Variants in MMP26 observed in about 807,000 individuals in gnomAD.
MMP26 encodes the protein matrix metallopeptidase 26, also known as matrix metalloproteinase-26.
MMP26 carries 33 observed loss-of-function variants against 31.0 expected under a neutral mutation model. The ratio of observed to expected loss-of-function variants is 1.06; its 90% confidence interval spans 0.81 to 1.42. The LOEUF (loss-of-function observed/expected upper bound fraction) is 1.42, where lower values mean the gene tolerates loss of function less well. MMP26 is among the 40% of genes most tolerant of loss of function. The pLI is 0.00. For synonymous variants in MMP26, 122 were observed against 114.9 expected, an observed-to-expected ratio of 1.06 and a Z score of -0.40; for missense variants, 347 against 316.1, an observed-to-expected ratio of 1.10 and a Z score of -0.74.
intron 2 of MMP26, among the ~76,000 whole-genome samples, chr11:4,898,416 G>T (rs186193022): frequency 9.2e-4 from 140 of 151,800 alleles, no homozygotes; most frequent in South Asian, 7.5e-3. Flanking sequence ...ATCCTGTTTG[G>T]GGTTGTTTGC....
intron 2 of MMP26, among the ~76,000 whole-genome samples, chr11:4,844,545 A>T (rs963615312): frequency 1.3e-5 from 2 of 152,212 alleles, no homozygotes; most frequent in African/African-American, 4.8e-5. Context: ...TCAAAAAAAC[A>T]TTAGAAAGAT....
intron 2 of MMP26, among the ~76,000 whole-genome samples, chr11:4,965,404 C>T (rs1249088142): frequency 6.6e-6 from 1 of 152,156 alleles, no homozygotes. Flanking sequence ...AGATTAGGTA[C>T]AGATATAAAA....
At chr11:4,990,558 A>T in intron 4 of MMP26, 40 bp from the exon 5 acceptor site, 1 of 1,564,064 alleles carries the variant, frequency 6.4e-7, no homozygotes, top group Non-Finnish European at 8.7e-7. Flanking sequence ...GATAATTCCC[A>T]TTCCTCTGAA....
At chr11:4,969,049 A>C (rs1004955635) in intron 2 of MMP26, among the ~76,000 whole-genome samples, 1 of 152,004 alleles carries the variant, frequency 6.6e-6, no homozygotes, top group African/African-American at 2.4e-5. Context: ...AGTTTTGTCC[A>C]CATACATTGA....
intron 2 of MMP26, among the ~76,000 whole-genome samples, chr11:4,887,187 G>C (rs1404427069): frequency 1.3e-5 from 2 of 151,822 alleles, no homozygotes; most frequent in African/African-American, 4.8e-5. Context: ...TTTTACAGCT[G>C]TTTAATAAAT....
intron 2 of MMP26, among the ~76,000 whole-genome samples, chr11:4,836,265 A>C (rs994109940): frequency 6.6e-6 from 1 of 152,060 alleles, no homozygotes; most frequent in Non-Finnish European, 1.5e-5. Context: ...GCAAAGCAAA[A>C]TGCATACACC....
At chr11:4,947,601 CAA>C (rs1295351983) in intron 2 of MMP26, 1 of 127,946 alleles carries the variant, frequency 7.8e-6, no homozygotes, top group Non-Finnish European at 1.8e-5. Flanking sequence ...TTCTGATATA[CAA>C]ACCCAAGGTA....
intron 2 of MMP26, among the ~76,000 whole-genome samples, chr11:4,836,212 G>A (rs1014804862): frequency 6.6e-6 from 1 of 151,898 alleles, no homozygotes; most frequent in Non-Finnish European, 1.5e-5. Context: ...ACACTATAAA[G>A]CTATAATAAA....
intron 2 of MMP26, among the ~76,000 whole-genome samples, chr11:4,904,589 G>C (rs989766184): frequency 6.6e-6 from 1 of 151,920 alleles, no homozygotes; most frequent in Non-Finnish European, 1.5e-5. Flanking sequence ...TTTACTCTTT[G>C]GTTTCAGATA....
At chr11:4,848,771 A>G (rs371928799) in intron 2 of MMP26, 3 of 1,613,880 alleles carry the variant, frequency 1.9e-6, no homozygotes, top group African/African-American at 2.7e-5. Context: ...TAATTACACC[A>G]TTGGTGAGGA....
intron 2 of MMP26, among the ~76,000 whole-genome samples, chr11:4,972,679 A>G: frequency 7.0e-6 from 1 of 143,054 alleles, no homozygotes; most frequent in South Asian, 2.1e-4. Context: ...TATTTTAATC[A>G]TTATGAAAAT....
At chr11:4,882,278 G>T in intron 2 of MMP26, 1 of 1,613,930 alleles carries the variant, frequency 6.2e-7, no homozygotes, top group Non-Finnish European at 8.5e-7. Flanking sequence ...CCGCTTCGTG[G>T]CTATCTGTAA....
At chr11:4,977,728 T>C (rs1224621930) in intron 2 of MMP26, among the ~76,000 whole-genome samples, 1 of 152,058 alleles carries the variant, frequency 6.6e-6, no homozygotes, top group Non-Finnish European at 1.5e-5. Context: ...GAACTGTTAG[T>C]GGGATGACTC....
intron 2 of MMP26, among the ~76,000 whole-genome samples, chr11:4,982,971 G>A (rs986558376): frequency 2.0e-5 from 3 of 152,170 alleles, no homozygotes; most frequent in Non-Finnish European, 4.4e-5. Flanking sequence ...CACTAGCAAA[G>A]CTTGTATAGG....
At chr11:4,887,427 C>T (rs2570588) in intron 2 of MMP26, among the ~76,000 whole-genome samples, 150,560 of 152,238 alleles carry the variant, frequency 0.99, 74,473 homozygotes, top group Middle Eastern at 1. Context: ...ATTTTATGAC[C>T]TGAGTCATTT....
chr11:4,933,469 A>G (rs542456521), intron 2 of MMP26, among the ~76,000 whole-genome samples: 2,831 of 108,030 alleles, frequency 0.026, 35 homozygotes, highest in Middle Eastern at 0.048. Flanking sequence ...ATGTAAAATG[A>G]TTAAGAAAGA....
chr11:4,796,066 T>G (rs756716927), intron 2 of MMP26, among the ~76,000 whole-genome samples: 6 of 152,140 alleles, frequency 3.9e-5, no homozygotes, highest in Non-Finnish European at 8.8e-5. Flanking sequence ...TGCCCAGAAT[T>G]CCTTAGTTAA....
rs1167580757 is a variant in MMP26, at chr11:4,986,916, TCTCTCTCTCTCTCTCC to T, written c.-144-1136_-144-1121del. Among the ~76,000 whole-genome samples, 210 of 102,872 alleles carry T rather than the reference TCTCTCTCTCTCTCTCC, an allele frequency of 2.0e-3. 5 individuals carry two copies. Among genetic ancestry groups the T allele is most frequent in the Non-Finnish European group, 3.0e-3 (153 of 50,318 alleles). The allele number at this position is 102,872 out of a possible 152,430, so 67.5% of individuals were successfully genotyped here. On this transcript the variant is annotated intron_variant, in intron 2 of 7. Transcript: ENST00000380390. ...CTTCCTTCCTTCCTTTCTCTCTCTC[TCTCTCTCTCTCTCTCC>T]CTCTCTCTCTCTCTCTCTCTCTCTC...
rs141205116 is a variant in MMP26 at position 4,816,956 on chromosome 11, C to T, written c.-145+49615C>T. Among the ~76,000 whole-genome samples, 1,027 of 150,840 alleles carry T rather than the reference C, an allele frequency of 6.8e-3. 16 individuals carry two copies. The highest frequency in any genetic ancestry group is 0.024 in the African/African-American group (981 of 41,098). On this transcript the variant is annotated intron_variant, in intron 2 of 7. Transcript: ENST00000380390. ...CGATTTCCTGACCTCGTGATCCACC[C>T]GCCTCGGCCTCCCAAAGTGGGGTGC... is the stretch of plus-strand genomic sequence containing the variant.
Sources: allele counts gnomAD v4.1 joint callset (sites outside exome capture counted in the v4.1 genomes callset), GRCh38; gene constraint gnomAD v4.1.1; transcripts MANE v1.5; gene names NCBI Gene and HGNC (gene_info 2026-07-23, HGNC 2026-07-21).